The following TEKT5 variants were observed in gnomAD, a reference collection of about 807,000 sequenced individuals.
TEKT5 encodes the protein tektin-5.
In TEKT5, 52 loss-of-function variants were observed where a neutral mutation model predicts 48.7. The observed-to-expected ratio is 1.07, with a 90% CI of 0.86 to 1.35. The LOEUF is 1.35. Among genes scored for constraint, TEKT5 ranks in the 40% most tolerant of loss-of-function variants. TEKT5 has a pLI of 0.00. For missense variants in TEKT5, 831 were observed against 641.6 expected, an observed-to-expected ratio of 1.30 and a Z score of -3.19; for synonymous variants, 318 against 267.6, an observed-to-expected ratio of 1.19 and a Z score of -1.84.
At chr16:10,636,519 G>A (rs1333555958) in intron 5 of TEKT5, among the ~76,000 whole-genome samples, 1 of 152,050 alleles carries the variant, frequency 6.6e-6, no homozygotes, top group African/African-American at 2.4e-5. Context: ...GCCAATCAGT[G>A]CTCAGCAGGA....
chr16:10,656,528 C>A (rs1485412543), intron 5 of TEKT5, among the ~76,000 whole-genome samples: 1 of 152,144 alleles, frequency 6.6e-6, no homozygotes, highest in Non-Finnish European at 1.5e-5. Flanking sequence ...GCTGAGATGA[C>A]AGGTGTGAGC....
At chr16:10,670,491 C>A (rs1898531280) in intron 5 of TEKT5, among the ~76,000 whole-genome samples, 1 of 152,122 alleles carries the variant, frequency 6.6e-6, no homozygotes, top group Admixed American at 6.5e-5. Context: ...TGCACTCCAG[C>A]CTGCACGATA....
chr16:10,639,310 C>T (rs374076872), intron 5 of TEKT5, among the ~76,000 whole-genome samples: 3,419 of 151,422 alleles, frequency 0.023, 128 homozygotes, highest in African/African-American at 0.079. Context: ...ACCCTATCTC[C>T]AAAAAACAAA....
chr16:10,648,718 G>A (rs1035677732), intron 5 of TEKT5, among the ~76,000 whole-genome samples: 3 of 152,204 alleles, frequency 2.0e-5, no homozygotes, highest in Non-Finnish European at 4.4e-5. Context: ...TTCCAGGCAT[G>A]AGGCCCCACG....
intron 5 of TEKT5, among the ~76,000 whole-genome samples, chr16:10,664,972 C>G (rs577885742): frequency 3.9e-5 from 6 of 152,296 alleles, no homozygotes; most frequent in African/African-American, 1.4e-4. Context: ...AACTGAAGCA[C>G]AGAGAGGTAG....
Position 10,694,676 on chromosome 16 carries a change from G to C in TEKT5, c.198C>G (p.Asp66Glu), listed in dbSNP as rs144969318. 2.5e-6 allele frequency: 4 copies of C among 1,613,214 alleles called. No homozygotes were observed. The highest frequency in any genetic ancestry group is 2.2e-5 in the East Asian group (1 of 44,904). The change falls in exon 1 of 7, where the codon GAC becomes GAG. Residue 66 changes from aspartate to glutamate, a missense_variant. Coordinates refer to ENST00000283025, the MANE Select transcript of TEKT5 (RefSeq NM_144674.2). ...YKIANVQTCP[D>E]ESTSTLRPPT... Reference sequence around the variant, plus strand: ...GCGGCCGCAGGGTACTGGTGCTCTCGTCCGGGCAGGTCTGGACGTTGGCTA... The same window carrying C: ...GCGGCCGCAGGGTACTGGTGCTCTCCTCCGGGCAGGTCTGGACGTTGGCTA...
At chr16:10,631,148 C>T (rs1434160136) in intron 6 of TEKT5, among the ~76,000 whole-genome samples, 1 of 148,278 alleles carries the variant, frequency 6.7e-6, no homozygotes, top group Non-Finnish European at 1.5e-5. Flanking sequence ...CCCAGATACT[C>T]GGGAGGCTGA....
chr16:10,674,706 G>C (rs1898613539), intron 5 of TEKT5, among the ~76,000 whole-genome samples: 1 of 150,748 alleles, frequency 6.6e-6, no homozygotes, highest in Admixed American at 6.6e-5. Flanking sequence ...TGGAGTACCA[G>C]ATCAACGGGT....
intron 5 of TEKT5, among the ~76,000 whole-genome samples, chr16:10,670,903 A>C (rs1238705493): frequency 6.6e-6 from 1 of 151,662 alleles, no homozygotes; most frequent in African/African-American, 2.4e-5. Context: ...ATTTCAACTT[A>C]TTTTAATTTT....
intron 6 of TEKT5, among the ~76,000 whole-genome samples, chr16:10,632,268 T>A (rs891090700): frequency 2.6e-5 from 4 of 152,204 alleles, no homozygotes; most frequent in Non-Finnish European, 5.9e-5. Flanking sequence ...GGAATTGAAT[T>A]TTTAACTTTA....
intron 4 of TEKT5, among the ~76,000 whole-genome samples, chr16:10,680,113 C>G (rs904718149): frequency 6.6e-6 from 1 of 152,170 alleles, no homozygotes; most frequent in Non-Finnish European, 1.5e-5. Flanking sequence ...GAAGAGAGAC[C>G]CTCTGGACTC....
chr16:10,660,190 T>G (rs572930910), intron 5 of TEKT5, among the ~76,000 whole-genome samples: 55 of 152,118 alleles, frequency 3.6e-4, no homozygotes, highest in African/African-American at 1.2e-3. Context: ...CCAGCCTCCC[T>G]CAACCCACTT....
chr16:10,652,503 G>A (rs1898176969), intron 5 of TEKT5, among the ~76,000 whole-genome samples: 1 of 94,392 alleles, frequency 1.1e-5, no homozygotes, highest in Non-Finnish European at 2.1e-5. Flanking sequence ...CACCCTCCAG[G>A]CCAGGTAGAG....
At chr16:10,692,292 G>A (rs1164342202) in intron 1 of TEKT5, among the ~76,000 whole-genome samples, 1 of 152,112 alleles carries the variant, frequency 6.6e-6, no homozygotes, top group Non-Finnish European at 1.5e-5. Context: ...TTCTTCCCAG[G>A]GAGAATCTGG....
chr16:10,628,830 C>T (rs922477824), intron 6 of TEKT5, among the ~76,000 whole-genome samples: 28 of 148,930 alleles, frequency 1.9e-4, no homozygotes, highest in African/African-American at 6.8e-4. Context: ...CTCTTGAACC[C>T]GGGAGTCAGA....
At chr16:10,634,245 T>G (rs1285458393) in intron 6 of TEKT5, among the ~76,000 whole-genome samples, 3 of 152,110 alleles carry the variant, frequency 2.0e-5, no homozygotes, top group Admixed American at 6.5e-5. Flanking sequence ...GGCAAAGAAC[T>G]CAAAAGAAGT....
chr16:10,656,768 T>G (rs1253904740), intron 5 of TEKT5, among the ~76,000 whole-genome samples: 1 of 152,158 alleles, frequency 6.6e-6, no homozygotes, highest in Admixed American at 6.5e-5. Context: ...TGAAACAGGG[T>G]CTTGCTTTGT....
At chr16:10,633,736 G>C (rs76977522) in intron 6 of TEKT5, among the ~76,000 whole-genome samples, 18,334 of 152,056 alleles carry the variant, frequency 0.12, 1,348 homozygotes, top group East Asian at 0.21. Context: ...TTTAGAGATA[G>C]TGTCTTGCTG....
intron 5 of TEKT5, among the ~76,000 whole-genome samples, chr16:10,663,178 A>G (rs1898404116): frequency 2.0e-5 from 3 of 152,182 alleles, no homozygotes. Flanking sequence ...GCTCAGTGGA[A>G]AAGTGTGCTG....
Sources: allele counts gnomAD v4.1 joint callset (sites outside exome capture counted in the v4.1 genomes callset), GRCh38; gene constraint gnomAD v4.1.1; transcripts MANE v1.5; gene names NCBI Gene and HGNC (gene_info 2026-07-23, HGNC 2026-07-21).